Variants in OCA2 observed in about 807,000 individuals in gnomAD.
OCA2 encodes the protein OCA2 melanosomal transmembrane protein.
In OCA2, 77 loss-of-function variants were observed where a neutral mutation model predicts 100.2. That is an observed-to-expected ratio of 0.77 (90% confidence interval 0.64 to 0.93). The LOEUF (loss-of-function observed/expected upper bound fraction) is 0.93, where lower values mean the gene tolerates loss of function less well. OCA2 is among the 40% of genes least tolerant of loss of function. The pLI, the probability that OCA2 is intolerant of heterozygous loss-of-function variation, is 0.00. For missense variants in OCA2, 1,062 were observed against 1,089.1 expected (o/e 0.98, Z 0.35); for synonymous variants, 432 against 439.2 (o/e 0.98, Z 0.21).
At chr15:27,739,940 G>A in the OCA2 span, among the ~76,000 whole-genome samples, 1 of 152,146 alleles carries the variant, frequency 6.6e-6, no homozygotes, top group African/African-American at 2.4e-5. Flanking sequence ...TGACTCAGGG[G>A]TGCAGAGGTA....
At chr15:28,060,129 C>T (rs1287979762) in intron 2 of OCA2, among the ~76,000 whole-genome samples, 1 of 152,218 alleles carries the variant, frequency 6.6e-6, no homozygotes, top group Non-Finnish European at 1.5e-5. Context: ...TTCACCTGGT[C>T]CCTGCCAGGC....
intron 19 of OCA2, among the ~76,000 whole-genome samples, chr15:27,886,487 A>T (rs2703969): frequency 0.44 from 66,809 of 152,068 alleles, 17,107 homozygotes; most frequent in African/African-American, 0.69. Flanking sequence ...AATATGATTT[A>T]GTATATTTTT....
At chr15:27,788,169 T>C (rs2032908183) in intron 23 of OCA2, among the ~76,000 whole-genome samples, 1 of 152,014 alleles carries the variant, frequency 6.6e-6, no homozygotes, top group Non-Finnish European at 1.5e-5. Context: ...AGAGTGTTCT[T>C]TGTAAGCTTG....
intron 23 of OCA2, among the ~76,000 whole-genome samples, chr15:27,839,412 A>G (rs2151354125): frequency 6.6e-6 from 1 of 152,344 alleles, no homozygotes; most frequent in Middle Eastern, 3.4e-3. Flanking sequence ...AAAGAAAACA[A>G]TACTTTTATT....
intron 2 of OCA2, among the ~76,000 whole-genome samples, chr15:28,052,489 G>C (rs1409531226): frequency 6.6e-6 from 1 of 152,126 alleles, no homozygotes; most frequent in Non-Finnish European, 1.5e-5. Context: ...CCTCAGTCTA[G>C]CTCTGAGCAT....
intron 23 of OCA2, among the ~76,000 whole-genome samples, chr15:27,784,151 C>T (rs1015471874): frequency 6.6e-5 from 10 of 152,172 alleles, no homozygotes; most frequent in African/African-American, 2.2e-4. Flanking sequence ...TTAGGGTGAA[C>T]GGCAGGAGCA....
chr15:28,017,370 G>A (rs756618613), intron 7 of OCA2, among the ~76,000 whole-genome samples: 3 of 152,144 alleles, frequency 2.0e-5, no homozygotes, highest in African/African-American at 4.8e-5. Context: ...ATTTAATCTG[G>A]GTTATTAATA....
At chr15:27,910,258 C>T (rs2038336623) in intron 19 of OCA2, among the ~76,000 whole-genome samples, 1 of 152,192 alleles carries the variant, frequency 6.6e-6, no homozygotes, top group Non-Finnish European at 1.5e-5. Context: ...GAGTATAACC[C>T]AGCACAACTC....
At chr15:28,045,204 G>A (rs2043313271) in intron 2 of OCA2, among the ~76,000 whole-genome samples, 1 of 151,792 alleles carries the variant, frequency 6.6e-6, no homozygotes, top group Non-Finnish European at 1.5e-5. Flanking sequence ...TTTTATTCTA[G>A]GTATTGCTTT....
At chr15:28,070,114 A>G (rs2044184981) in intron 2 of OCA2, among the ~76,000 whole-genome samples, 1 of 107,872 alleles carries the variant, frequency 9.3e-6, no homozygotes, top group Non-Finnish European at 1.7e-5. Context: ...GGAGGTGAGG[A>G]GCGTCTCTGC....
intron 18 of OCA2, among the ~76,000 whole-genome samples, chr15:27,926,990 T>C (rs2039066028): frequency 6.6e-6 from 1 of 152,134 alleles, no homozygotes; most frequent in Non-Finnish European, 1.5e-5. Flanking sequence ...CATAATCATG[T>C]TAAGATCCTT....
intron 19 of OCA2, among the ~76,000 whole-genome samples, chr15:27,883,752 T>G (rs2037117818): frequency 6.6e-6 from 1 of 152,216 alleles, no homozygotes; most frequent in Non-Finnish European, 1.5e-5. Flanking sequence ...CCCTGGGATC[T>G]CTGGGCTTCC....
At chr15:27,937,077 T>C (rs914979108) in intron 18 of OCA2, among the ~76,000 whole-genome samples, 10 of 152,052 alleles carry the variant, frequency 6.6e-5, no homozygotes, top group African/African-American at 2.4e-4. Context: ...GCAGACCACA[T>C]CAAAAGGTTT....
chr15:28,046,314 G>A (rs955041475), intron 2 of OCA2, among the ~76,000 whole-genome samples: 7 of 151,692 alleles, frequency 4.6e-5, no homozygotes, highest in East Asian at 3.9e-4. Context: ...GAAAACACAC[G>A]TGCAGTATGA....
At chr15:27,724,821 T>A in the OCA2 span, among the ~76,000 whole-genome samples, 4 of 151,862 alleles carry the variant, frequency 2.6e-5, no homozygotes, top group Middle Eastern at 3.4e-3. Context: ...ACGCTTTTTT[T>A]TTTTTACCCC....
intron 9 of OCA2, among the ~76,000 whole-genome samples, chr15:27,993,633 C>T (rs953167176): frequency 6.6e-6 from 1 of 152,192 alleles, no homozygotes; most frequent in Non-Finnish European, 1.5e-5. Flanking sequence ...CTAGCACCCT[C>T]GCTAAGTTTG....
At chr15:27,913,879 G>GAA (rs1567098092) in intron 19 of OCA2, among the ~76,000 whole-genome samples, 4 of 52,858 alleles carry the variant, frequency 7.6e-5, no homozygotes, top group Non-Finnish European at 9.7e-5. Flanking sequence ...AAGAAAGAAA[G>GAA]AAAGAAAGAA....
chr15:28,056,733 G>A (rs2043711808), intron 2 of OCA2, among the ~76,000 whole-genome samples: 1 of 152,238 alleles, frequency 6.6e-6, no homozygotes, highest in African/African-American at 2.4e-5. Flanking sequence ...ACCCCAGTGG[G>A]GCTCATCACG....
chr15:27,999,063 G>T (rs926188988), intron 9 of OCA2, among the ~76,000 whole-genome samples: 1 of 151,184 alleles, frequency 6.6e-6, no homozygotes, highest in Non-Finnish European at 1.5e-5. Context: ...GTGGGGAGAG[G>T]GGGGAGGGAT....
Sources: gnomAD v4.1 joint callset for allele counts (sites outside exome capture counted in the v4.1 genomes callset) on GRCh38, gnomAD v4.1.1 for gene constraint, MANE v1.5 for transcripts, NCBI Gene and HGNC (gene_info 2026-07-23, HGNC 2026-07-21) for gene names.